The following PLA2G4D variants were observed in gnomAD, a reference collection of about 807,000 sequenced individuals.
PLA2G4D encodes phospholipase A2 group IVD, also known as cytosolic phospholipase A2 delta.
PLA2G4D carries 80 observed loss-of-function variants against 94.4 expected under a neutral mutation model. The ratio of observed to expected loss-of-function variants is 0.85; its 90% CI spans 0.71 to 1.02. The LOEUF is 1.02. Ranked by LOEUF, PLA2G4D falls within the 50% of genes least tolerant of loss-of-function variation. The pLI, the probability that PLA2G4D is intolerant of heterozygous loss-of-function variation, is 0.00. For missense variants in PLA2G4D, 1,050 were observed against 1,034.7 expected (o/e 1.01, Z -0.20); for synonymous variants, 438 against 440.9 (o/e 0.99, Z 0.08).
chr15:42,078,173 C>A (rs1158376500), intron 13 of PLA2G4D, among the ~76,000 whole-genome samples: 2 of 152,210 alleles, frequency 1.3e-5, no homozygotes, highest in African/African-American at 4.8e-5. Flanking sequence ...TAACACTGTG[C>A]CCTTGATAAA....
chr15:42,086,282 C>T lies in PLA2G4D; in HGVS notation c.318G>A (p.Lys106=). Residue 106 remains lysine, a synonymous_variant, in exon 4 of 20, where the codon AAG becomes AAA. Transcript: ENST00000290472. ...GGACTTCTGAGATGTCATAGAGAACCTTGAAGCAGATGTCATCCTCCGTGA... is the reference window on the plus strand; with the variant it reads ...GGACTTCTGAGATGTCATAGAGAACTTTGAAGCAGATGTCATCCTCCGTGA... ...DSVTEDDICF[K]VLYDISEVLP... is the part of the protein sequence containing the mutation. 6.5e-7 allele frequency: 1 copy of T among 1,533,176 alleles called. No homozygotes were observed. Among genetic ancestry groups the T allele is most frequent in the Non-Finnish European group, 8.8e-7 (1 of 1,136,818 alleles). 95.0% of individuals were successfully genotyped at this position (1,533,176 alleles called of 1,614,324 possible). A position where few individuals can be genotyped will look rare whatever the true frequency, so the allele number is the denominator to read the frequency against.
Position 42,086,194 on chromosome 15 carries a change from T to TGCCTC in PLA2G4D, c.387+18_387+19insGAGGC. 1 of 1,370,444 alleles carries TGCCTC rather than the reference T, an allele frequency of 7.3e-7. No individual in the cohort carries two copies. The highest frequency in any genetic ancestry group is 9.6e-7 in the Non-Finnish European group (1 of 1,043,084). 84.9% of individuals were successfully genotyped at this position (1,370,444 alleles called of 1,614,324 possible). A position where few individuals can be genotyped will look rare whatever the true frequency, so the allele number is the denominator to read the frequency against. On this transcript the variant is annotated intron_variant, in intron 4 of 19. Transcript: ENST00000290472. The stretch of plus-strand genomic sequence containing the variant: ...GGAAGAAGTGGGGCCCACGGGGACT[T>TGCCTC]CCCCACCCACCCACCCACCTGGGGA...
chr15:42,079,441 G>T, intron 13 of PLA2G4D, 96 bp downstream of exon 13: 2 of 1,239,122 alleles, frequency 1.6e-6, no homozygotes, highest in Non-Finnish European at 2.2e-6. Context: ...CTTCCACGCT[G>T]CAAGAAATAC....
chr15:42,081,179 C>G (rs1286898198), intron 11 of PLA2G4D, 46 bp from the exon 12 acceptor site: 2 of 1,595,536 alleles, frequency 1.3e-6, no homozygotes, highest in East Asian at 4.5e-5. Context: ...AAGGGGCCAG[C>G]TGCCTCCTGT....
rs566331518 is a variant in PLA2G4D, at chr15:42,070,503, C to T, written c.2043+214G>A. 77 of 599,710 alleles carry T rather than the reference C, an allele frequency of 1.3e-4. No individual in the cohort carries two copies. In the East Asian group the frequency reaches 1.8e-3, roughly 14 times the overall value. 37.1% of individuals were successfully genotyped at this position (599,710 alleles called of 1,614,324 possible). On this transcript the variant is annotated intron_variant, in intron 18 of 19. Transcript: ENST00000290472. The stretch of plus-strand genomic sequence containing the variant: ...TCTTTGGAGTAGGTGTGGGGAGGTC[C>T]CTCCCTGTTCACCTGTCCTGGGAGC...
At position 42,068,932 on chromosome 15, in the gene PLA2G4D, C is replaced by A. The variant is rs1373378653; in HGVS notation, c.2240G>T (p.Arg747Leu). Reference protein sequence around the residue: ...FKDHSAPGVQRSPAELQGGQV... With the variant: ...FKDHSAPGVQLSPAELQGGQV... ...GCCACCCTGGAGCTCTGCGGGGCTGCGCTGGACACCTGCCCAGGGGTAGGA... is the reference window on the plus strand; with the variant it reads ...GCCACCCTGGAGCTCTGCGGGGCTGAGCTGGACACCTGCCCAGGGGTAGGA... The change falls in exon 20 of 20, where the codon CGC becomes CTC. Residue 747 changes from arginine to leucine, a missense_variant. Transcript: ENST00000290472. 1.2e-6 allele frequency: 2 copies of A among 1,609,642 alleles called. No individual in the cohort carries two copies. The highest frequency in any genetic ancestry group is 1.7e-5 in the Admixed American group (1 of 59,738).
In PLA2G4D at chr15:42,086,364, A is replaced by G; in HGVS notation, c.256-20T>C. ...AACATTCTAGGAACCAGGAACAGCG[A>G]CTTAGCATTTTACCTGCTCATAGTG... On this transcript the variant is annotated intron_variant, in intron 3 of 19. Coordinates refer to ENST00000290472, the MANE Select transcript of PLA2G4D (RefSeq NM_178034.4). The G allele has an allele frequency of 6.2e-7, 1 of 1,612,006 alleles. No individual in the cohort carries two copies. The highest frequency in any genetic ancestry group is 8.5e-7 in the Non-Finnish European group (1 of 1,179,744).
Position 42,081,079 on chromosome 15 carries a change from G to C in PLA2G4D, c.1012C>G (p.Leu338Val). 1 of 1,614,140 alleles carries C rather than the reference G, an allele frequency of 6.2e-7. No individual in the cohort carries two copies. Among genetic ancestry groups the C allele is most frequent in the Non-Finnish European group, 8.5e-7 (1 of 1,180,028 alleles). The change falls in exon 12 of 20, where the codon CTC becomes GTC. Residue 338 changes from leucine (L) to valine (V), a missense_variant. Physicochemically the swap from Leu to Val is conservative, Grantham distance 32. Coordinates refer to ENST00000290472, the MANE Select transcript of PLA2G4D (RefSeq NM_178034.4). ...TGGGARAMTS[L>V]YGHLLALQKL... ...TGCAAGGCCAATAGGTGGCCGTAGA[G>C]TGAGGTCATGGCCCGGGCACCTCCT...
chr15:42,089,048 G>A (rs553802963), intron 1 of PLA2G4D, among the ~76,000 whole-genome samples: 1 of 152,224 alleles, frequency 6.6e-6, no homozygotes, highest in Non-Finnish European at 1.5e-5. Context: ...TCCCCATTAA[G>A]TAAGTACGAT....
In PLA2G4D at chr15:42,071,249, C is replaced by T. The variant is rs775370281; in HGVS notation, c.1750G>A (p.Ala584Thr). Residue 584 changes from alanine to threonine, a missense_variant, in exon 17 of 20, where the codon GCG becomes ACG. Physicochemically the swap from Ala to Thr is moderately conservative, Grantham distance 58. Coordinates refer to ENST00000290472, the MANE Select transcript of PLA2G4D (RefSeq NM_178034.4). ...AAGCCTTTAAATGCCTGGGCCAGCG[C>T]CGTGCCTGGCTGCAGCCACGAGGCC... Reference protein sequence around the residue: ...LEASWLQPGTALAQAFKGFLT... With the variant: ...LEASWLQPGTTLAQAFKGFLT... The T allele has an allele frequency of 4.3e-6, 7 of 1,609,698 alleles. No homozygotes were observed. Among genetic ancestry groups the T allele is most frequent in the Non-Finnish European group, 5.1e-6 (6 of 1,178,822 alleles).
At chr15:42,087,261 C>T (rs1422041183) in intron 3 of PLA2G4D, 39 bp downstream of exon 3, 1 of 1,613,192 alleles carries the variant, frequency 6.2e-7, no homozygotes, top group South Asian at 1.1e-5. Flanking sequence ...GGGGTCCAGC[C>T]CGTTCACAAG....
chr15:42,070,940 C>T, intron 17 of PLA2G4D, 57 bp from the exon 18 acceptor site: 1 of 1,569,742 alleles, frequency 6.4e-7, no homozygotes. Flanking sequence ...TCATCCATGT[C>T]CCCTTCTCTC....
intron 17 of PLA2G4D, 72 bp downstream of exon 17, chr15:42,071,051 C>T (rs935302167): frequency 6.3e-7 from 1 of 1,574,808 alleles, no homozygotes; most frequent in African/African-American, 1.4e-5. Context: ...CCTCCTAGGC[C>T]TCAGCCAGTC....
At position 42,084,113 on chromosome 15, in the gene PLA2G4D, A is replaced by G. The variant is rs1890095437; in HGVS notation, c.472-334T>C. 1 of 302,388 alleles carries G rather than the reference A, an allele frequency of 3.3e-6. No individual in the cohort carries two copies. The highest frequency in any genetic ancestry group is 2.1e-5 in the African/African-American group (1 of 46,898). 18.7% of individuals were successfully genotyped at this position (302,388 alleles called of 1,614,324 possible). ...CCTGTGGCTTGGAGCTGGAGGAGGT[A>G]TTCTACCACAACTCCAAATAATCTA... On this transcript the variant is annotated intron_variant, in intron 6 of 19. Coordinates refer to ENST00000290472, the MANE Select transcript of PLA2G4D (RefSeq NM_178034.4). The surrounding 1 kb of genome is among the most constrained non-coding windows in gnomAD (Gnocchi z 4.8).
intron 15 of PLA2G4D, 55 bp downstream of exon 15, chr15:42,071,719 C>G: frequency 6.4e-7 from 1 of 1,564,346 alleles, no homozygotes; most frequent in Middle Eastern, 1.8e-4. Context: ...GGACCCATGT[C>G]CATTCAGACA....
At chr15:42,072,526 A>G (rs1668585) in intron 13 of PLA2G4D, 134 bp from the exon 14 acceptor site, 240,689 of 692,334 alleles carry the variant, frequency 0.35, 42,686 homozygotes, top group African/African-American at 0.41. Context: ...TCTGGGGACC[A>G]TATGTGGGTC....
rs77902561 is a variant in PLA2G4D, at chr15:42,070,441, G to A, written c.2043+276C>T. The A allele has an allele frequency of 2.6e-3, 1,397 of 527,798 alleles. 10 individuals carry two copies. The highest frequency in any genetic ancestry group is 0.019 in the African/African-American group (986 of 52,358). The allele number at this position is 527,798 out of a possible 1,614,324, so 32.7% of individuals were successfully genotyped here. A position where few individuals can be genotyped will look rare whatever the true frequency, so the allele number is the denominator to read the frequency against. ...AGGGGAGGTCTGGGGGATGGACATG[G>A]AGATGCTAGGGTCTCCTCTCAGCTC... On this transcript the variant is annotated intron_variant, in intron 18 of 19. Coordinates refer to ENST00000290472, the MANE Select transcript of PLA2G4D (RefSeq NM_178034.4).
rs11635685 is a variant in PLA2G4D, at chr15:42,081,612, G to T, written c.824C>A (p.Pro275His). 290 of 1,613,890 alleles carry T rather than the reference G, an allele frequency of 1.8e-4. No individual in the cohort carries two copies. Among genetic ancestry groups the T allele is most frequent in the Non-Finnish European group, 2.2e-4 (264 of 1,179,876 alleles). The change falls in exon 11 of 20, where the codon CCT (proline) becomes CAT (histidine). Residue 275 changes from proline to histidine, a missense_variant and splice_region_variant. Coordinates refer to ENST00000290472, the MANE Select transcript of PLA2G4D (RefSeq NM_178034.4). Reference sequence around the variant, plus strand: ...GCCCAGGTGCACGGCCAGCTCCTCAGGGCTGTGGCAATGGAGGATCCAGGG... The same window carrying T: ...GCCCAGGTGCACGGCCAGCTCCTCATGGCTGTGGCAATGGAGGATCCAGGG... ...VRLQLKAEGC[P>H]EELAVHLGFN...
chr15:42,072,022 C>A, intron 14 of PLA2G4D, 111 bp from the exon 15 acceptor site: 1 of 1,373,066 alleles, frequency 7.3e-7, no homozygotes, highest in Non-Finnish European at 1.0e-6. Flanking sequence ...CCCTGCTGTG[C>A]CTGGCACCAA....
Sources: gnomAD v4.1 joint callset for allele counts (sites outside exome capture counted in the v4.1 genomes callset) on GRCh38, gnomAD v4.1.1 for gene constraint, Gnocchi (gnomAD v3.1) non-coding constraint, MANE v1.5 for transcripts, NCBI Gene and HGNC (gene_info 2026-07-23, HGNC 2026-07-21) for gene names.